SPACA7: variants seen among roughly 807,000 people sequenced by gnomAD.
The protein encoded by SPACA7 is sperm acrosome-associated protein 7.
A neutral mutation model predicts 26.3 loss-of-function variants in SPACA7; 19 were observed. The observed-to-expected ratio is 0.72, with a 90% confidence interval of 0.50 to 1.06. The LOEUF (loss-of-function observed/expected upper bound fraction) is 1.06. Ranked by LOEUF, SPACA7 falls within the 50% of genes least tolerant of loss-of-function variation. The pLI, the probability that SPACA7 is intolerant of heterozygous loss-of-function variation, is 0.00. For synonymous variants in SPACA7, 84 were observed against 84.5 expected (o/e 0.99, Z 0.04); for missense variants, 211 against 229.9 (o/e 0.92, Z 0.53).
At chr13:112,401,732 T>C (rs937888319) in intron 5 of SPACA7, among the ~76,000 whole-genome samples, 1 of 152,252 alleles carries the variant, frequency 6.6e-6, no homozygotes, top group Non-Finnish European at 1.5e-5. Context: ...ATCTGCTACA[T>C]TAGCTCTTGG....
intron 5 of SPACA7, among the ~76,000 whole-genome samples, chr13:112,427,104 G>A (rs998261721): frequency 2.0e-5 from 3 of 152,204 alleles, no homozygotes; most frequent in African/African-American, 7.2e-5. Flanking sequence ...TTTGAATTCT[G>A]AGAAAAGTTT....
At chr13:112,404,497 T>A (rs1885848271) in intron 5 of SPACA7, among the ~76,000 whole-genome samples, 2 of 152,258 alleles carry the variant, frequency 1.3e-5, no homozygotes, top group Non-Finnish European at 1.5e-5. Flanking sequence ...CCTAAGCAAA[T>A]GTCTAGAAGG....
chr13:112,402,507 T>G (rs571343877), intron 5 of SPACA7, among the ~76,000 whole-genome samples: 1 of 152,368 alleles, frequency 6.6e-6, no homozygotes, highest in African/African-American at 2.4e-5. Context: ...TTACCAATTT[T>G]TATGCATCTC....
At chr13:112,389,633 A>C (rs991002227) in intron 1 of SPACA7, among the ~76,000 whole-genome samples, 1 of 152,236 alleles carries the variant, frequency 6.6e-6, no homozygotes, top group African/African-American at 2.4e-5. Flanking sequence ...TTACTTCAGC[A>C]ATACCATCCA....
Position 112,419,547 on chromosome 13 carries a change from A to G in SPACA7, c.446-12897A>G, listed in dbSNP as rs765855381. On this transcript the variant is annotated intron_variant, in intron 5 of 6. Transcript: ENST00000283550. The stretch of plus-strand genomic sequence containing the variant: ...ATTCCCAAAGCACAAGCAAAGATCT[A>G]TGACTTCTGGGGATAGGAGTAAAAG... Among the ~76,000 whole-genome samples, 10 of 152,206 alleles carry G rather than the reference A, an allele frequency of 6.6e-5. No individual in the cohort carries two copies. The South Asian group carries it at 2.1e-3, about 31-fold the overall frequency.
intron 5 of SPACA7, among the ~76,000 whole-genome samples, chr13:112,425,299 C>T (rs1169368903): frequency 2.0e-5 from 3 of 152,288 alleles, no homozygotes; most frequent in South Asian, 2.1e-4. Context: ...AACCATTTCT[C>T]CATGTTTACT....
intron 5 of SPACA7, among the ~76,000 whole-genome samples, chr13:112,430,004 T>A (rs181215899): frequency 8.0e-4 from 122 of 152,322 alleles, no homozygotes; most frequent in African/African-American, 2.8e-3. Flanking sequence ...GAGGGTTTTT[T>A]AAAATGTTTT....
At chr13:112,405,384 A>G (rs898274085) in intron 5 of SPACA7, among the ~76,000 whole-genome samples, 4 of 151,986 alleles carry the variant, frequency 2.6e-5, no homozygotes, top group Admixed American at 6.6e-5. Context: ...ATTCTCATGT[A>G]TAGTGTTTTC....
chr13:112,398,000 C>T (rs1212014731), intron 2 of SPACA7, 49 bp from the exon 3 acceptor site: 7 of 1,325,788 alleles, frequency 5.3e-6, no homozygotes, highest in Non-Finnish European at 6.5e-6. Context: ...GAGCCAAGGG[C>T]CAGCCCTGCA....
chr13:112,415,921 C>T (rs926390566), intron 5 of SPACA7, among the ~76,000 whole-genome samples: 7 of 152,076 alleles, frequency 4.6e-5, no homozygotes, highest in Non-Finnish European at 8.8e-5. Context: ...TCAAGGACCA[C>T]GGAATTCTGC....
In SPACA7 at chr13:112,421,357, T is replaced by A. The variant is rs959921936; in HGVS notation, c.446-11087T>A. 5.3e-5 allele frequency among the ~76,000 whole-genome samples: 8 copies of A among 151,970 alleles called. No individual in the cohort carries two copies. The East Asian group carries it at 1.5e-3, about 29-fold the overall frequency. On this transcript the variant is annotated intron_variant, in intron 5 of 6. Transcript: ENST00000283550. ...AAGTTAGACTGCAATAAGTTAGAGA[T>A]ACATATTTGTAAAGCCTAGATCCAA... is the stretch of plus-strand genomic sequence containing the variant.
chr13:112,431,724 G>C (rs11841680), intron 5 of SPACA7, among the ~76,000 whole-genome samples: 2,697 of 152,320 alleles, frequency 0.018, 73 homozygotes, highest in African/African-American at 0.061. Flanking sequence ...GAACTAAAGA[G>C]AGGTGGGTCC....
intron 5 of SPACA7, among the ~76,000 whole-genome samples, chr13:112,416,879 T>C (rs1477294813): frequency 3.3e-5 from 5 of 152,110 alleles, no homozygotes; most frequent in African/African-American, 4.8e-5. Context: ...TCCAGTTATC[T>C]TTTGGTTTGA....
intron 2 of SPACA7, among the ~76,000 whole-genome samples, chr13:112,394,345 G>A: frequency 6.6e-6 from 1 of 151,910 alleles, no homozygotes; most frequent in East Asian, 1.9e-4. Flanking sequence ...TGCCTGTGGA[G>A]TGGGGTCGGG....
chr13:112,410,289 A>G (rs1886263502), intron 5 of SPACA7, among the ~76,000 whole-genome samples: 1 of 152,024 alleles, frequency 6.6e-6, no homozygotes, highest in Admixed American at 6.5e-5. Flanking sequence ...TGGGTGCAGC[A>G]CACCAACATG....
At chr13:112,408,766 T>C (rs772153447) in intron 5 of SPACA7, among the ~76,000 whole-genome samples, 1 of 152,096 alleles carries the variant, frequency 6.6e-6, no homozygotes, top group Non-Finnish European at 1.5e-5. Context: ...GAAGAATAGA[T>C]ATCATGAAAA....
chr13:112,378,679 A>G (rs1883849312), intron 1 of SPACA7: 1 of 471,032 alleles, frequency 2.1e-6, no homozygotes, highest in Non-Finnish European at 4.4e-6. Context: ...TCTGCCAGCA[A>G]ATGACCTTCT....
At chr13:112,401,767 C>G (rs1274721778) in intron 5 of SPACA7, among the ~76,000 whole-genome samples, 1 of 152,184 alleles carries the variant, frequency 6.6e-6, no homozygotes, top group Non-Finnish European at 1.5e-5. Context: ...TATCTCTGAG[C>G]ATGGTGTGAG....
At chr13:112,382,585 A>G in intron 1 of SPACA7, 1 of 1,500,638 alleles carries the variant, frequency 6.7e-7, no homozygotes, top group Non-Finnish European at 8.9e-7. Flanking sequence ...CTTGTGTGGT[A>G]AAAACATTAT....
Sources: gnomAD v4.1 joint callset for allele counts (sites outside exome capture counted in the v4.1 genomes callset) on GRCh38, gnomAD v4.1.1 for gene constraint, MANE v1.5 for transcripts, NCBI Gene and HGNC (gene_info 2026-07-23, HGNC 2026-07-21) for gene names.